Variants in TIAM2 observed in about 807,000 individuals in gnomAD.
The protein encoded by TIAM2 is rho guanine nucleotide exchange factor TIAM2.
Under a neutral mutation model 152.9 loss-of-function variants are expected in TIAM2, and 80 were observed. The observed-to-expected ratio is 0.52, with a 90% CI of 0.44 to 0.63. The LOEUF is 0.63. TIAM2 is among the 30% of genes least tolerant of loss of function. The pLI, the probability that TIAM2 is intolerant of heterozygous loss-of-function variation, is 0.00. For missense variants in TIAM2, 1,965 were observed against 2,120.1 expected, an observed-to-expected ratio of 0.93 and a Z score of 1.44; for synonymous variants, 804 against 838.0, an observed-to-expected ratio of 0.96 and a Z score of 0.70.
intron 15 of TIAM2, among the ~76,000 whole-genome samples, chr6:155,221,862 G>A (rs1289975821): frequency 6.6e-6 from 1 of 152,132 alleles, no homozygotes; most frequent in Non-Finnish European, 1.5e-5. Context: ...TTCTGTGGGA[G>A]AAGAAAGCAG....
intron 1 of TIAM2, among the ~76,000 whole-genome samples, chr6:155,033,600 G>A (rs1776863045): frequency 1.3e-5 from 2 of 151,886 alleles, no homozygotes; most frequent in East Asian, 1.9e-4. Context: ...AAAAAAGTTT[G>A]CCCCAGAAAT....
chr6:155,006,500 C>T (rs949147713), intron 1 of TIAM2, among the ~76,000 whole-genome samples: 7 of 151,600 alleles, frequency 4.6e-5, no homozygotes, highest in African/African-American at 1.2e-4. Flanking sequence ...AACCCTGTCT[C>T]TACTCAAAAT....
rs555520552 is a variant in TIAM2 at position 155,204,072 on chromosome 6, C to T, written c.3065-7132C>T. Among the ~76,000 whole-genome samples, 12 of 152,240 alleles carry T rather than the reference C, an allele frequency of 7.9e-5. No homozygotes were observed. The South Asian group carries it at 2.3e-3, about 29-fold the overall frequency. On this transcript the variant is annotated intron_variant, in intron 14 of 26. Coordinates refer to ENST00000682666, the MANE Select transcript of TIAM2 (RefSeq NM_012454.4). Reference sequence around the variant, plus strand: ...TGGGACATGGTTGCTGGACATCCGGCAGTGATCACGTTAATCCCATACATT... The same window carrying T: ...TGGGACATGGTTGCTGGACATCCGGTAGTGATCACGTTAATCCCATACATT...
At chr6:155,076,544 G>T (rs1271388891) in intron 1 of TIAM2, among the ~76,000 whole-genome samples, 1 of 152,154 alleles carries the variant, frequency 6.6e-6, no homozygotes, top group Non-Finnish European at 1.5e-5. Context: ...ATGCTAATTG[G>T]TATGGACTTT....
chr6:155,031,088 A>G (rs1776812656), intron 1 of TIAM2, among the ~76,000 whole-genome samples: 1 of 152,206 alleles, frequency 6.6e-6, no homozygotes. Context: ...GGTATTCACA[A>G]GACACTTTGT....
At chr6:155,044,018 G>A (rs1245975663) in intron 1 of TIAM2, among the ~76,000 whole-genome samples, 1 of 152,184 alleles carries the variant, frequency 6.6e-6, no homozygotes, top group African/African-American at 2.4e-5. Context: ...ATACGATCTT[G>A]TGGATATTGG....
Position 155,130,242 on chromosome 6 carries a change from A to T in TIAM2, c.1019A>T (p.Asp340Val), listed in dbSNP as rs970410029. The T allele has an allele frequency of 6.2e-7, 1 of 1,614,048 alleles. No homozygotes were observed. The highest frequency in any genetic ancestry group is 1.7e-5 in the Admixed American group (1 of 60,006). The stretch of plus-strand genomic sequence containing the variant: ...CGTGTCTCTTTTGCTTCCGACATTG[A>T]TGTGCCCTCCAGAGTGGCACACGGG... Reference protein sequence around the residue: ...SNRVSFASDIDVPSRVAHGDP... With the variant: ...SNRVSFASDIVVPSRVAHGDP... Residue 340 changes from aspartate to valine, a missense_variant, in exon 4 of 27, where the codon GAT becomes GTT. By Grantham distance (152) the Asp-to-Val change is radical. This residue lies in a region of TIAM2 where 1,025 missense variants were observed against 1,119.4 expected (regional missense o/e 0.92). Coordinates refer to ENST00000682666, the MANE Select transcript of TIAM2 (RefSeq NM_012454.4).
intron 2 of TIAM2, among the ~76,000 whole-genome samples, chr6:155,108,015 GATT>G (rs1472120034): frequency 6.6e-6 from 1 of 152,198 alleles, no homozygotes; most frequent in African/African-American, 2.4e-5. Flanking sequence ...TAACTTACAG[GATT>G]ATTTATAGAA....
rs1008707067 is a variant in TIAM2, at chr6:155,137,372, C to A, written c.1390C>A (p.Arg464=). The A allele has an allele frequency of 1.2e-6, 2 of 1,614,144 alleles. No homozygotes were observed. Among genetic ancestry groups the A allele is most frequent in the South Asian group, 1.1e-5 (1 of 91,080 alleles). Residue 464 remains arginine, a synonymous_variant, in exon 5 of 27, where the codon CGA becomes AGA. Transcript: ENST00000682666. ...GCAGAACATTTATGAGAATTTCATG[C>A]GAGAGTTGGAAATGAGCAGGACCAA... ...LRQNIYENFM[R]ELEMSRTNTE...
Position 155,248,128 on chromosome 6 carries a change from G to A in TIAM2, c.3781G>A (p.Glu1261Lys). 6.2e-7 allele frequency: 1 copy of A among 1,614,148 alleles called. No homozygotes were observed. The highest frequency in any genetic ancestry group is 1.7e-5 in the Admixed American group (1 of 60,024). The change falls in exon 20 of 27, where the codon GAG (glutamate) becomes AAG (lysine). Residue 1261 changes from glutamate to lysine, a missense_variant. Glu to Lys is a moderately conservative substitution (Grantham distance 56). Transcript: ENST00000682666. ...RVLKYPLLLK[E>K]LVSLTDQESE... is the part of the protein sequence containing the mutation. ...GCTCAAGTACCCGCTGCTGCTCAAG[G>A]AGCTGGTGTCCCTGACGGACCAGGA...
intron 1 of TIAM2, among the ~76,000 whole-genome samples, chr6:155,057,453 G>A (rs1777478880): frequency 6.7e-6 from 1 of 149,452 alleles, no homozygotes; most frequent in African/African-American, 2.5e-5. Context: ...ATTTGTCACT[G>A]TTGATGTTAA....
At position 155,148,108 on chromosome 6, in the gene TIAM2, A is replaced by G; in HGVS notation, c.1804-2A>G. The G allele has an allele frequency of 6.2e-7, 1 of 1,613,832 alleles. No homozygotes were observed. The highest frequency in any genetic ancestry group is 8.5e-7 in the Non-Finnish European group (1 of 1,179,958). ...ACAGGCTTTCTCCCTCCCTGTGTGT[A>G]GGCCACCAGCCAGACAGATCTAGAA... On this transcript the variant is annotated splice_acceptor_variant, in intron 6 of 26. Coordinates refer to ENST00000682666, the MANE Select transcript of TIAM2 (RefSeq NM_012454.4). LOFTEE classifies it high-confidence loss of function.
intron 1 of TIAM2, among the ~76,000 whole-genome samples, chr6:155,033,864 G>A (rs1186945786): frequency 1.3e-5 from 2 of 151,648 alleles, no homozygotes; most frequent in Non-Finnish European, 2.9e-5. Context: ...TTACAGGTGC[G>A]TGCCACCACA....
chr6:155,029,498 T>A (rs1167498687), intron 1 of TIAM2, among the ~76,000 whole-genome samples: 661 of 18,592 alleles, frequency 0.036, 123 homozygotes, highest in African/African-American at 0.11. Context: ...TAGTATATAT[T>A]ATATATAATA....
At chr6:155,067,238 T>C (rs1163706301) in intron 1 of TIAM2, among the ~76,000 whole-genome samples, 2 of 152,128 alleles carry the variant, frequency 1.3e-5, no homozygotes, top group African/African-American at 4.8e-5. Context: ...TTTTCATTGG[T>C]GGGCTGTGGA....
intron 17 of TIAM2, 53 bp from the exon 18 acceptor site, chr6:155,244,605 T>C (rs1583281690): frequency 6.3e-7 from 1 of 1,585,964 alleles, no homozygotes; most frequent in Non-Finnish European, 8.6e-7. Context: ...GTTAGCGTGG[T>C]GTCCTGAACT....
chr6:155,015,956 A>C (rs2475874), intron 1 of TIAM2, among the ~76,000 whole-genome samples: 35,858 of 149,650 alleles, frequency 0.24, 6,047 homozygotes, highest in African/African-American at 0.42. Flanking sequence ...AAAAAAAAAA[A>C]AAAAAAAAAA....
intron 15 of TIAM2, among the ~76,000 whole-genome samples, chr6:155,238,219 T>A (rs1782868983): frequency 1.3e-5 from 2 of 152,154 alleles, no homozygotes; most frequent in South Asian, 4.1e-4. Context: ...ATAACAAGGG[T>A]CAGCTTTGCT....
At chr6:155,201,750 C>T (rs571914620) in intron 14 of TIAM2, among the ~76,000 whole-genome samples, 1 of 152,336 alleles carries the variant, frequency 6.6e-6, no homozygotes, top group East Asian at 1.9e-4. Context: ...TTTTTTCCCA[C>T]TCTAAGGACA....
Sources: allele counts gnomAD v4.1 joint callset (sites outside exome capture counted in the v4.1 genomes callset), GRCh38; gene constraint gnomAD v4.1.1; regional missense constraint gnomAD v4.1.1; transcripts MANE v1.5; gene names NCBI Gene and HGNC (gene_info 2026-07-23, HGNC 2026-07-21).